Variants in NEGR1 observed in about 807,000 individuals in gnomAD.
The protein encoded by NEGR1 is neuronal growth regulator 1.
Under a neutral mutation model 40.9 loss-of-function variants are expected in NEGR1, and 10 were observed. The ratio of observed to expected loss-of-function variants is 0.24; its 90% CI spans 0.15 to 0.42. The LOEUF (loss-of-function observed/expected upper bound fraction) is 0.42. Among genes scored for constraint, NEGR1 ranks in the 10% least tolerant of loss-of-function variants. NEGR1 has a pLI of 1.00. For missense variants in NEGR1, 352 were observed against 438.9 expected (o/e 0.80, Z 1.77); for synonymous variants, 185 against 166.8 (o/e 1.11, Z -0.84).
intron 1 of NEGR1, among the ~76,000 whole-genome samples, chr1:72,114,418 T>C (rs1278044776): frequency 1.3e-5 from 2 of 151,704 alleles, no homozygotes; most frequent in South Asian, 2.1e-4. Context: ...CATGAGCCAA[T>C]TCCTTAAAAT....
chr1:72,113,789 T>C (rs1055283930), intron 1 of NEGR1, among the ~76,000 whole-genome samples: 2 of 151,770 alleles, frequency 1.3e-5, no homozygotes, highest in African/African-American at 2.4e-5. Flanking sequence ...TTTCTACAAA[T>C]ACTGTCAGGC....
In NEGR1 at chr1:71,406,473, A is replaced by G. The variant is rs908707742; in HGVS notation, c.*973T>C. ...TAAAATTTTTGGCTTGGACTAGTGAAAGGAAAAGATGCTGTATTGCTAGGC... is the reference window on the plus strand; with the variant it reads ...TAAAATTTTTGGCTTGGACTAGTGAGAGGAAAAGATGCTGTATTGCTAGGC... On this transcript the variant is annotated 3_prime_UTR_variant, in exon 7 of 7. Coordinates refer to ENST00000357731, the MANE Select transcript of NEGR1 (RefSeq NM_173808.3). The G allele has an allele frequency of 3.9e-5, 6 of 151,988 alleles. No individual in the cohort carries two copies. Among genetic ancestry groups the G allele is most frequent in the Non-Finnish European group, 8.8e-5 (6 of 67,894 alleles). 9.4% of individuals were successfully genotyped at this position (151,988 alleles called of 1,614,324 possible).
chr1:71,603,091 T>C (rs900102225), intron 5 of NEGR1, among the ~76,000 whole-genome samples: 3 of 152,244 alleles, frequency 2.0e-5, no homozygotes, highest in African/African-American at 7.2e-5. Flanking sequence ...AAATGCAAGT[T>C]TCTTCAATTC....
intron 6 of NEGR1, among the ~76,000 whole-genome samples, chr1:71,524,950 C>T (rs1012416628): frequency 2.0e-5 from 3 of 151,688 alleles, no homozygotes; most frequent in African/African-American, 7.2e-5. Flanking sequence ...TAGATTTTCT[C>T]CTACAGCTCC....
chr1:72,100,485 C>A (rs573497469), intron 1 of NEGR1, among the ~76,000 whole-genome samples: 9 of 152,262 alleles, frequency 5.9e-5, no homozygotes, highest in African/African-American at 2.2e-4. Context: ...AGTTTTGATT[C>A]TACTCTAGAA....
At chr1:71,613,506 G>A (rs1650337858) in intron 4 of NEGR1, among the ~76,000 whole-genome samples, 1 of 151,898 alleles carries the variant, frequency 6.6e-6, no homozygotes, top group South Asian at 2.1e-4. Context: ...AATTAGCCAG[G>A]CATAGTGGTG....
At chr1:71,612,797 T>C (rs1650304682) in intron 4 of NEGR1, among the ~76,000 whole-genome samples, 1 of 152,174 alleles carries the variant, frequency 6.6e-6, no homozygotes, top group African/African-American at 2.4e-5. Flanking sequence ...AGGGAACAGC[T>C]TGCAGTAAGA....
chr1:72,020,477 A>T (rs1050593829), intron 1 of NEGR1, among the ~76,000 whole-genome samples: 1 of 152,192 alleles, frequency 6.6e-6, no homozygotes. Context: ...GGGTCTTGTG[A>T]AGAGACCAAA....
intron 6 of NEGR1, among the ~76,000 whole-genome samples, chr1:71,514,919 TGAAGAATGCAGAA>T (rs1557552088): frequency 3.0e-5 from 3 of 101,416 alleles, no homozygotes; most frequent in African/African-American, 1.3e-4. Context: ...GAGAACTACG[TGAAGAATGCAGAA>T]GCCTCAGGAG....
At chr1:71,504,350 G>A (rs1224357282) in intron 6 of NEGR1, among the ~76,000 whole-genome samples, 1 of 151,636 alleles carries the variant, frequency 6.6e-6, no homozygotes, top group African/African-American at 2.4e-5. Context: ...AGTTTCTACT[G>A]GGGAAAAGGT....
rs565617971 is a variant in NEGR1 at position 71,789,052 on chromosome 1, G to A, written c.410-12755C>T. Among the ~76,000 whole-genome samples the A allele has an allele frequency of 1.6e-4, 24 of 152,140 alleles. No individual in the cohort carries two copies. The South Asian group carries it at 4.1e-3, about 26-fold the overall frequency. On this transcript the variant is annotated intron_variant, in intron 2 of 6. Transcript: ENST00000357731. ...ATAAAGATAGAAGGATGGCAAAGGC[G>A]ATACCAAGATATTTTTTGGAATATG...
intron 1 of NEGR1, among the ~76,000 whole-genome samples, chr1:72,095,357 C>A (rs1648658323): frequency 6.6e-6 from 1 of 151,956 alleles, no homozygotes; most frequent in Non-Finnish European, 1.5e-5. Flanking sequence ...TCAATAATTT[C>A]TTATTTGATA....
intron 5 of NEGR1, among the ~76,000 whole-genome samples, chr1:71,609,972 C>T (rs1198494531): frequency 2.0e-5 from 3 of 152,164 alleles, no homozygotes; most frequent in Non-Finnish European, 4.4e-5. Flanking sequence ...CCCCGATTTG[C>T]TTGGGACTTC....
At chr1:72,092,142 G>T (rs778395834) in intron 1 of NEGR1, among the ~76,000 whole-genome samples, 5 of 152,122 alleles carry the variant, frequency 3.3e-5, no homozygotes, top group Non-Finnish European at 5.9e-5. Context: ...TCTCTGTTTT[G>T]CATAATAAAA....
At chr1:72,013,155 C>T (rs1449099483) in intron 1 of NEGR1, among the ~76,000 whole-genome samples, 1 of 151,784 alleles carries the variant, frequency 6.6e-6, no homozygotes, top group Non-Finnish European at 1.5e-5. Context: ...CATGAATGGA[C>T]CCCAGAGACA....
chr1:71,836,480 G>GTGTA (rs71699403), intron 2 of NEGR1, among the ~76,000 whole-genome samples: 23 of 144,570 alleles, frequency 1.6e-4, no homozygotes, highest in Admixed American at 7.7e-4. Flanking sequence ...ATATATATGT[G>GTGTA]TATATATATA....
intron 1 of NEGR1, among the ~76,000 whole-genome samples, chr1:72,137,717 C>G (rs2630390): frequency 0.51 from 77,225 of 151,718 alleles, 19,815 homozygotes; most frequent in African/African-American, 0.56. Context: ...AGAACTTAAA[C>G]TATAATAAAA....
chr1:72,027,079 C>T (rs1223877395), intron 1 of NEGR1, among the ~76,000 whole-genome samples: 2 of 152,112 alleles, frequency 1.3e-5, no homozygotes, highest in Non-Finnish European at 2.9e-5. Flanking sequence ...GTGCCGGTCA[C>T]CACGCCTGGC....
intron 1 of NEGR1, among the ~76,000 whole-genome samples, chr1:72,053,684 C>T (rs151094306): frequency 0.011 from 1,626 of 151,102 alleles, 28 homozygotes; most frequent in African/African-American, 0.037. Flanking sequence ...AATTAGCTAA[C>T]TTATACAGAT....
Sources: gnomAD v4.1 joint callset for allele counts (sites outside exome capture counted in the v4.1 genomes callset) on GRCh38, gnomAD v4.1.1 for gene constraint, MANE v1.5 for transcripts, NCBI Gene and HGNC (gene_info 2026-07-23, HGNC 2026-07-21) for gene names.